Variants in GMPS observed in about 807,000 individuals in gnomAD.
The protein encoded by GMPS is GMP synthase [glutamine-hydrolyzing].
In GMPS, 15 loss-of-function variants were observed where a neutral mutation model predicts 77.9. That is an observed-to-expected ratio of 0.19 (90% CI 0.13 to 0.30). GMPS has a LOEUF of 0.30. Ranked by LOEUF, GMPS falls within the 10% of genes least tolerant of loss-of-function variation. The pLI is 1.00. For missense variants in GMPS, 590 were observed against 838.8 expected, an observed-to-expected ratio of 0.70 and a Z score of 3.66; for synonymous variants, 224 against 275.9, an observed-to-expected ratio of 0.81 and a Z score of 1.86.
At chr3:155,884,699 C>G (rs536841555) in intron 1 of GMPS, among the ~76,000 whole-genome samples, 68 of 152,258 alleles carry the variant, frequency 4.5e-4, no homozygotes, top group African/African-American at 1.6e-3. Flanking sequence ...CCCTAGTGTT[C>G]ATAATGTGCA....
Position 155,870,705 on chromosome 3 carries a change from T to C in GMPS, c.-166T>C, listed in dbSNP as rs1753883155. The C allele has an allele frequency of 3.6e-6, 2 of 549,680 alleles. No individual in the cohort carries two copies. The highest frequency in any genetic ancestry group is 2.1e-5 in the South Asian group (1 of 47,340). 34.1% of individuals were successfully genotyped at this position (549,680 alleles called of 1,614,324 possible). On this transcript the variant is annotated 5_prime_UTR_variant, in exon 1 of 16. Transcript: ENST00000496455. ...GGCGCTGGGGCCCGCGCTCCGCTGCTGTTGCTCCATTCGGCGCTTTTCTGG... is the reference window on the plus strand; with the variant it reads ...GGCGCTGGGGCCCGCGCTCCGCTGCCGTTGCTCCATTCGGCGCTTTTCTGG...
intron 1 of GMPS, among the ~76,000 whole-genome samples, chr3:155,886,419 T>C (rs1302925053): frequency 1.3e-5 from 2 of 151,002 alleles, no homozygotes; most frequent in East Asian, 2.0e-4. Context: ...ACTAAAAATA[T>C]GAAAAATTAG....
At position 155,925,175 on chromosome 3, in the gene GMPS, T is replaced by A. The variant is rs536954532; in HGVS notation, c.1435-66T>A. ...ACCAGTAAAATACATAAGATAGTAG[T>A]AGATAATAAAAGAGTGAATACCTTA... On this transcript the variant is annotated intron_variant, in intron 11 of 15. Transcript: ENST00000496455. 1.3e-5 allele frequency: 18 copies of A among 1,380,106 alleles called. No individual in the cohort carries two copies. The African/African-American group carries it at 2.2e-4, about 17-fold the overall frequency. The allele number at this position is 1,380,106 out of a possible 1,614,324, so 85.5% of individuals were successfully genotyped here. A position where few individuals can be genotyped will look rare whatever the true frequency, so the allele number is the denominator to read the frequency against.
Position 155,903,854 on chromosome 3 carries a change from T to C in GMPS, c.325-9T>C, listed in dbSNP as rs567834604. The C allele has an allele frequency of 2.3e-5, 30 of 1,315,478 alleles. No individual in the cohort carries two copies. In the East Asian group the frequency reaches 7.0e-4, roughly 31 times the overall value. 81.5% of individuals were successfully genotyped at this position (1,315,478 alleles called of 1,614,324 possible). On this transcript the variant is annotated splice_polypyrimidine_tract_variant and intron_variant, in intron 3 of 15. Transcript: ENST00000496455. Reference sequence around the variant, plus strand: ...ATTTCTATTAACATTAATTTTTTTCTTTGAACAGATGATGAATAAGGTATT... The same window carrying C: ...ATTTCTATTAACATTAATTTTTTTCCTTGAACAGATGATGAATAAGGTATT...
Position 155,941,470 on chromosome 3 carries a change from GTTAA to G in GMPS, c.*3781_*3784del, listed in dbSNP as rs1280295462. The G allele has an allele frequency of 1.9e-5, 4 of 206,490 alleles. No homozygotes were observed. The highest frequency in any genetic ancestry group is 9.2e-5 in the African/African-American group (4 of 43,708). 12.8% of individuals were successfully genotyped at this position (206,490 alleles called of 1,614,324 possible). A position where few individuals can be genotyped will look rare whatever the true frequency, so the allele number is the denominator to read the frequency against. On this transcript the variant is annotated 3_prime_UTR_variant, in exon 16 of 16. Transcript: ENST00000496455. ...TCAGGGATAAATGGGCTTCAAAAGT[GTTAA>G]TTGTCTCCTTACTTACAGTGAGTTT...
At chr3:155,899,362 CCTT>C (rs1404975551) in intron 3 of GMPS, among the ~76,000 whole-genome samples, 5 of 150,274 alleles carry the variant, frequency 3.3e-5, no homozygotes, top group Admixed American at 6.6e-5. Flanking sequence ...GAGCAAAACT[CCTT>C]CTCAAAAAAA....
chr3:155,925,834 A>G (rs746659268), intron 12 of GMPS, among the ~76,000 whole-genome samples: 17 of 152,110 alleles, frequency 1.1e-4, no homozygotes, highest in Non-Finnish European at 2.2e-4. Context: ...CCAGATGAGT[A>G]AGTTACACCA....
At chr3:155,920,593 A>G (rs1477194537) in intron 10 of GMPS, among the ~76,000 whole-genome samples, 1 of 150,696 alleles carries the variant, frequency 6.6e-6, no homozygotes, top group Admixed American at 6.6e-5. Context: ...AAAAAAAGAA[A>G]AAAAAAAAAG....
intron 4 of GMPS, among the ~76,000 whole-genome samples, chr3:155,905,293 G>A (rs1754846201): frequency 1.3e-5 from 2 of 152,084 alleles, no homozygotes; most frequent in Middle Eastern, 3.2e-3. Flanking sequence ...GAGCCACCGC[G>A]CCTGGCCGTT....
At position 155,904,306 on chromosome 3, in the gene GMPS, T is replaced by C. The variant is rs180703373; in HGVS notation, c.422+346T>C. Among the ~76,000 whole-genome samples, 333 of 151,984 alleles carry C rather than the reference T, an allele frequency of 2.2e-3. 1 individual carries two copies. The highest frequency in any genetic ancestry group is 6.9e-3 in the South Asian group (33 of 4,812). The stretch of plus-strand genomic sequence containing the variant: ...TATTTTTCTTTTTCTTTTTTTTTTT[T>C]CGAGACGGAGTCTCCCTCTGCCACC... On this transcript the variant is annotated intron_variant, in intron 4 of 15. Coordinates refer to ENST00000496455, the MANE Select transcript of GMPS (RefSeq NM_003875.3).
Position 155,940,854 on chromosome 3 carries a change from G to C in GMPS, c.*3162G>C, listed in dbSNP as rs1303076737. 4.6e-6 allele frequency: 1 copy of C among 216,366 alleles called. No individual in the cohort carries two copies. The highest frequency in any genetic ancestry group is 9.3e-6 in the Non-Finnish European group (1 of 107,682). The allele number at this position is 216,366 out of a possible 1,614,324, so 13.4% of individuals were successfully genotyped here. On this transcript the variant is annotated 3_prime_UTR_variant, in exon 16 of 16. Transcript: ENST00000496455. ...ACCTTTTTTTGAAGCTGTTGGCAAG[G>C]TTTGACCACTTGGGGCATCTTCTGC...
intron 1 of GMPS, among the ~76,000 whole-genome samples, chr3:155,883,171 A>C (rs999153990): frequency 1.6e-4 from 24 of 152,118 alleles, no homozygotes; most frequent in African/African-American, 5.3e-4. Context: ...TCCTAGGTTC[A>C]AGCCATTCTC....
At chr3:155,930,271 A>G (rs1415629281) in intron 12 of GMPS, among the ~76,000 whole-genome samples, 3 of 149,292 alleles carry the variant, frequency 2.0e-5, no homozygotes, top group East Asian at 2.0e-4. Context: ...AGGATTCCCT[A>G]TTTAATAAAC....
At position 155,940,664 on chromosome 3, in the gene GMPS, T is replaced by A. The variant is rs1397541656; in HGVS notation, c.*2972T>A. ...AGGTAACTGTATTAAATTTTCAGCA[T>A]CAAATCCAGCTATAAATTTGTATTT... On this transcript the variant is annotated 3_prime_UTR_variant, in exon 16 of 16. Coordinates refer to ENST00000496455, the MANE Select transcript of GMPS (RefSeq NM_003875.3). 4.7e-6 allele frequency: 1 copy of A among 213,952 alleles called. No homozygotes were observed. Among genetic ancestry groups the A allele is most frequent in the Non-Finnish European group, 9.4e-6 (1 of 106,222 alleles). 13.3% of individuals were successfully genotyped at this position (213,952 alleles called of 1,614,324 possible). A position where few individuals can be genotyped will look rare whatever the true frequency, so the allele number is the denominator to read the frequency against.
At chr3:155,889,367 G>A (rs554970781) in intron 1 of GMPS, among the ~76,000 whole-genome samples, 1 of 152,164 alleles carries the variant, frequency 6.6e-6, no homozygotes, top group East Asian at 1.9e-4. Flanking sequence ...AACTCTCCTG[G>A]CCCCTTTATG....
rs75491165 is a variant in GMPS at position 155,941,049 on chromosome 3, A to G, written c.*3357A>G. On this transcript the variant is annotated 3_prime_UTR_variant, in exon 16 of 16. Coordinates refer to ENST00000496455, the MANE Select transcript of GMPS (RefSeq NM_003875.3). The stretch of plus-strand genomic sequence containing the variant: ...TTGTTGGGAGCTAGAGCTAGAATCC[A>G]AGCTTTCTGATTCTCTGCATGGAAG... The G allele has an allele frequency of 5.6e-3, 1,079 of 192,684 alleles. 3 individuals carry two copies. Among genetic ancestry groups the G allele is most frequent in the Non-Finnish European group, 8.7e-3 (803 of 92,100 alleles). The allele number at this position is 192,684 out of a possible 1,614,324, so 11.9% of individuals were successfully genotyped here.
intron 1 of GMPS, among the ~76,000 whole-genome samples, chr3:155,881,164 GTTTTTTTTTTT>G (rs11334499): frequency 3.8e-5 from 2 of 52,928 alleles, no homozygotes; most frequent in Non-Finnish European, 6.8e-5. Flanking sequence ...TTTGATATTA[GTTTTTTTTTTT>G]TTTTTTTTTT....
rs183837704 is a variant in GMPS, at chr3:155,920,101, C to T, written c.1318+763C>T. ...ATTTTATTGTCTTATTTAATCTTCA[C>T]AGTGGAAACTACTATTATCCTGTTT... On this transcript the variant is annotated intron_variant, in intron 10 of 15. Coordinates refer to ENST00000496455, the MANE Select transcript of GMPS (RefSeq NM_003875.3). Among the ~76,000 whole-genome samples, 164 of 152,322 alleles carry T rather than the reference C, an allele frequency of 1.1e-3. 1 individual carries two copies. Among genetic ancestry groups the T allele is most frequent in the Non-Finnish European group, 1.3e-4 (9 of 68,028 alleles).
chr3:155,919,353 T>C lies in GMPS; in HGVS notation c.1318+15T>C, dbSNP rs1438902627. 1.2e-5 allele frequency: 16 copies of C among 1,326,560 alleles called. No individual in the cohort carries two copies. The highest frequency in any genetic ancestry group is 1.5e-5 in the Non-Finnish European group (14 of 935,342). 82.2% of individuals were successfully genotyped at this position (1,326,560 alleles called of 1,614,324 possible). A position where few individuals can be genotyped will look rare whatever the true frequency, so the allele number is the denominator to read the frequency against. On this transcript the variant is annotated intron_variant, in intron 10 of 15. Transcript: ENST00000496455. Reference sequence around the variant, plus strand: ...TCCATTTCCAGGTAAAAATTAGAACTGAATTTTGTTTGATTCATCTTTAGA... The same window carrying C: ...TCCATTTCCAGGTAAAAATTAGAACCGAATTTTGTTTGATTCATCTTTAGA...
Sources: gnomAD v4.1 joint callset for allele counts (sites outside exome capture counted in the v4.1 genomes callset) on GRCh38, gnomAD v4.1.1 for gene constraint, MANE v1.5 for transcripts, NCBI Gene and HGNC (gene_info 2026-07-23, HGNC 2026-07-21) for gene names.